Variants in PCDHA9 observed in about 807,000 individuals in gnomAD.
PCDHA9 encodes protocadherin alpha 9, also known as protocadherin alpha-9.
PCDHA9 carries 62 observed loss-of-function variants against 62.0 expected under a neutral mutation model. That is an observed-to-expected ratio of 1.00 (90% CI 0.81 to 1.23). PCDHA9 has a LOEUF of 1.23. Among genes scored for constraint, PCDHA9 ranks in the 50% most tolerant of loss-of-function variants. The pLI is 0.00. For missense variants in PCDHA9, 1,205 were observed against 1,249.8 expected (o/e 0.96, Z 0.54); for synonymous variants, 557 against 567.6 (o/e 0.98, Z 0.27).
chr5:140,998,893 C>T (rs144409989), intron 3 of PCDHA9, among the ~76,000 whole-genome samples: 1 of 152,306 alleles, frequency 6.6e-6, no homozygotes, highest in African/African-American at 2.4e-5. Flanking sequence ...GAATAAATAA[C>T]AATGCCTCCG....
chr5:140,928,792 G>A (rs1190569981), intron 1 of PCDHA9: 2 of 1,614,048 alleles, frequency 1.2e-6, no homozygotes, highest in Non-Finnish European at 1.7e-6. Context: ...TAAGCAGAGG[G>A]TGGTGGTAGT....
At chr5:140,883,927 G>A (rs781895204) in intron 1 of PCDHA9, 2 of 1,613,456 alleles carry the variant, frequency 1.2e-6, no homozygotes, top group South Asian at 1.1e-5. Flanking sequence ...CGCTGCAGGT[G>A]TTCGTGCTGG....
At chr5:140,881,075 G>A (rs2058577107) in intron 1 of PCDHA9, among the ~76,000 whole-genome samples, 1 of 152,202 alleles carries the variant, frequency 6.6e-6, no homozygotes, top group African/African-American at 2.4e-5. Context: ...AATTATTGGA[G>A]CTATGATATA....
chr5:140,933,064 A>G (rs2088836698), intron 1 of PCDHA9, among the ~76,000 whole-genome samples: 1 of 152,030 alleles, frequency 6.6e-6, no homozygotes, highest in African/African-American at 2.4e-5. Context: ...GATCCTGACT[A>G]AAGTATTATG....
At position 140,884,423 on chromosome 5, in the gene PCDHA9, A is replaced by G. The variant is rs2060160830; in HGVS notation, c.2394+33534A>G. The G allele has an allele frequency of 1.2e-6, 2 of 1,613,932 alleles. No individual in the cohort carries two copies. Among genetic ancestry groups the G allele is most frequent in the African/African-American group, 1.3e-5 (1 of 75,050 alleles). On this transcript the variant is annotated intron_variant, in intron 1 of 3. Coordinates refer to ENST00000532602, the MANE Select transcript of PCDHA9 (RefSeq NM_031857.2). ...GTTGGTGCTCACGTTGCTGCTGTAT[A>G]CTGCGCTGCGGTGCTCGGCACCGCC...
chr5:140,969,068 A>C (rs2096293164), intron 1 of PCDHA9: 2 of 1,614,046 alleles, frequency 1.2e-6, no homozygotes, highest in South Asian at 2.2e-5. Flanking sequence ...TGATGCCAGG[A>C]TACCGCATGG....
chr5:140,863,301 C>T lies in PCDHA9; in HGVS notation c.2394+12412C>T, dbSNP rs782465834. ...ATGTCAACGTGTACCTGATCATCGC[C>T]ATCTGCGTGGTGTCCAGCCTGTTAG... On this transcript the variant is annotated intron_variant, in intron 1 of 3. Coordinates refer to ENST00000532602, the MANE Select transcript of PCDHA9 (RefSeq NM_031857.2). The T allele has an allele frequency of 2.7e-6, 4 of 1,463,618 alleles. No homozygotes were observed. In the South Asian group the frequency reaches 4.5e-5, roughly 16 times the overall value. 90.7% of individuals were successfully genotyped at this position (1,463,618 alleles called of 1,614,324 possible).
intron 1 of PCDHA9, chr5:140,876,869 A>G: frequency 1.9e-6 from 3 of 1,614,030 alleles, no homozygotes; most frequent in Non-Finnish European, 2.5e-6. Flanking sequence ...TTCGTGAAGG[A>G]GAACAACCCG....
intron 1 of PCDHA9, chr5:140,869,731 T>C (rs1554163388): frequency 6.2e-7 from 1 of 1,613,416 alleles, no homozygotes. Flanking sequence ...GGAACTTAAT[T>C]TGCTGCTAAC....
intron 1 of PCDHA9, among the ~76,000 whole-genome samples, chr5:140,970,092 A>C (rs1554232243): frequency 6.6e-6 from 1 of 151,978 alleles, no homozygotes; most frequent in East Asian, 1.9e-4. Context: ...GTGTGGGGGG[A>C]TGGTGAAGAC....
At chr5:140,969,004 T>C (rs1554231338) in intron 1 of PCDHA9, 2 of 1,614,060 alleles carry the variant, frequency 1.2e-6, no homozygotes, top group East Asian at 2.2e-5. Flanking sequence ...GAGGCTTCTG[T>C]GGAGTAAGGG....
At chr5:140,998,287 G>A (rs1209811850) in intron 3 of PCDHA9, among the ~76,000 whole-genome samples, 3 of 152,154 alleles carry the variant, frequency 2.0e-5, no homozygotes, top group Non-Finnish European at 4.4e-5. Flanking sequence ...GATTAAATCA[G>A]ATCACACATT....
chr5:140,957,698 A>T (rs1554223065), intron 1 of PCDHA9, among the ~76,000 whole-genome samples: 1 of 152,174 alleles, frequency 6.6e-6, no homozygotes. Flanking sequence ...AATGAACATT[A>T]TGTAGTTTTT....
chr5:140,999,215 C>A (rs1290752092), intron 3 of PCDHA9, among the ~76,000 whole-genome samples: 1 of 152,140 alleles, frequency 6.6e-6, no homozygotes, highest in East Asian at 1.9e-4. Context: ...TCTGGAAGTA[C>A]TACATTTGAG....
intron 1 of PCDHA9, chr5:140,862,170 GC>G (rs2047237372): frequency 6.1e-6 from 1 of 164,918 alleles, no homozygotes; most frequent in Non-Finnish European, 1.3e-5. Flanking sequence ...TCAAATACAG[GC>G]AGTTGACACA....
intron 1 of PCDHA9, chr5:140,854,326 T>G (rs1243654252): frequency 4.3e-6 from 1 of 230,654 alleles, no homozygotes; most frequent in East Asian, 1.8e-4. Context: ...AATGGCAAAC[T>G]TATTTTACGC....
intron 1 of PCDHA9, among the ~76,000 whole-genome samples, chr5:140,887,189 C>T (rs1268664594): frequency 6.6e-6 from 1 of 151,836 alleles, no homozygotes; most frequent in Non-Finnish European, 1.5e-5. Context: ...CTCCACCTCC[C>T]GGGTTCACGC....
In PCDHA9 at chr5:140,876,738, G is replaced by A. The variant is rs782179304; in HGVS notation, c.2394+25849G>A. 3.1e-6 allele frequency: 5 copies of A among 1,614,264 alleles called. No individual in the cohort carries two copies. In the Admixed American group the frequency reaches 5.0e-5, roughly 16 times the overall value. ...ACCGCGAGAGCGTGTCGGCCTATGA[G>A]CTGGTGGTGACTGCGCGGGATGGGG... On this transcript the variant is annotated intron_variant, in intron 1 of 3. Coordinates refer to ENST00000532602, the MANE Select transcript of PCDHA9 (RefSeq NM_031857.2).
At chr5:140,877,041 A>C (rs782570873) in intron 1 of PCDHA9, 1 of 1,612,586 alleles carries the variant, frequency 6.2e-7, no homozygotes, top group Non-Finnish European at 8.5e-7. Context: ...TGCAGCCGCT[A>C]GACCACGAGG....
Sources: allele counts gnomAD v4.1 joint callset (sites outside exome capture counted in the v4.1 genomes callset), GRCh38; gene constraint gnomAD v4.1.1; transcripts MANE v1.5; gene names NCBI Gene and HGNC (gene_info 2026-07-23, HGNC 2026-07-21).